GPATCH2L: variants seen among roughly 807,000 people sequenced by gnomAD.
The protein encoded by GPATCH2L is G patch domain-containing protein 2-like.
A neutral mutation model predicts 57.4 loss-of-function variants in GPATCH2L; 31 were observed. The ratio of observed to expected loss-of-function variants is 0.54; its 90% CI spans 0.41 to 0.73. The LOEUF (loss-of-function observed/expected upper bound fraction) is 0.73, where lower values mean the gene tolerates loss of function less well. Ranked by LOEUF, GPATCH2L falls within the 30% of genes least tolerant of loss-of-function variation. The probability of loss-of-function intolerance (pLI) is 0.00; values close to 1 mark genes in which losing one functional copy is unlikely to be tolerated. For synonymous variants in GPATCH2L, 199 were observed against 210.7 expected (o/e 0.94, Z 0.48); for missense variants, 481 against 599.9 (o/e 0.80, Z 2.07).
exon 2 of GPATCH2L, chr14:76,229,870 T>A (rs2040553041): frequency 6.6e-6 from 1 of 152,090 alleles, no homozygotes; most frequent in Admixed American, 6.5e-5. Flanking sequence ...CCAGCGAGAG[T>A]GCCCTGACAA....
At chr14:76,220,076 T>A (rs1038921342) in intron 1 of GPATCH2L, among the ~76,000 whole-genome samples, 2 of 152,182 alleles carry the variant, frequency 1.3e-5, no homozygotes, top group African/African-American at 4.8e-5. Context: ...AGTGACTCCA[T>A]TTTGAATCTG....
intron 9 of GPATCH2L, among the ~76,000 whole-genome samples, chr14:76,201,486 A>C (rs896587121): frequency 2.6e-5 from 4 of 152,234 alleles, no homozygotes; most frequent in Admixed American, 2.6e-4. Flanking sequence ...CCATTTTCTC[A>C]GATTAGGAAA....
At chr14:76,227,414 C>T (rs895453583) in intron 1 of GPATCH2L, among the ~76,000 whole-genome samples, 15 of 152,252 alleles carry the variant, frequency 9.9e-5, no homozygotes, top group African/African-American at 3.6e-4. Flanking sequence ...AGTGGAGTAC[C>T]AGAGTCCAGG....
At chr14:76,190,685 G>A (rs536347759) in intron 8 of GPATCH2L, among the ~76,000 whole-genome samples, 83 of 152,078 alleles carry the variant, frequency 5.5e-4, no homozygotes, top group African/African-American at 2.0e-3. Flanking sequence ...CTCTATTATT[G>A]ACTAGGTTGG....
chr14:76,162,815 A>G (rs1452786683), intron 2 of GPATCH2L, among the ~76,000 whole-genome samples: 1 of 152,226 alleles, frequency 6.6e-6, no homozygotes, highest in Non-Finnish European at 1.5e-5. Flanking sequence ...ATACAGCATT[A>G]AGGAGGAGAG....
intron 2 of GPATCH2L, among the ~76,000 whole-genome samples, chr14:76,232,805 A>G (rs973579705): frequency 6.6e-6 from 1 of 152,146 alleles, no homozygotes; most frequent in Non-Finnish European, 1.5e-5. Context: ...CACATGGAAT[A>G]TTGGCAACCA....
At chr14:76,194,945 T>A (rs2040100908) in intron 8 of GPATCH2L, among the ~76,000 whole-genome samples, 1 of 152,122 alleles carries the variant, frequency 6.6e-6, no homozygotes, top group Admixed American at 6.5e-5. Flanking sequence ...AAATAAAGTT[T>A]CTGTTCTCAA....
chr14:76,229,628 C>T (rs2139876313), intron 1 of GPATCH2L, among the ~76,000 whole-genome samples: 1 of 152,252 alleles, frequency 6.6e-6, no homozygotes, highest in Middle Eastern at 3.4e-3. Context: ...AATAAGGTGG[C>T]TCACTTGCCT....
rs1289241940 is a variant in GPATCH2L at position 76,203,606 on chromosome 14, T to A, written c.*1755T>A. Reference sequence around the variant, plus strand: ...AGTGCTGAAGCTGGCCCAGCATGCCTCTGAGTCACCCCTGGCTCTCATGCA... The same window carrying A: ...AGTGCTGAAGCTGGCCCAGCATGCCACTGAGTCACCCCTGGCTCTCATGCA... On this transcript the variant is annotated 3_prime_UTR_variant, in exon 10 of 10. Coordinates refer to ENST00000261530, the MANE Select transcript of GPATCH2L (RefSeq NM_017926.4). 1 of 152,496 alleles carries A rather than the reference T, an allele frequency of 6.6e-6. No individual in the cohort carries two copies. The highest frequency in any genetic ancestry group is 1.5e-5 in the Non-Finnish European group (1 of 68,214). The allele number at this position is 152,496 out of a possible 1,614,324, so 9.4% of individuals were successfully genotyped here.
rs372381529 is a variant in GPATCH2L, at chr14:76,176,637, C to T, written c.999C>T (p.Asn333=). The T allele has an allele frequency of 2.1e-5, 34 of 1,609,532 alleles. No individual in the cohort carries two copies. Among genetic ancestry groups the T allele is most frequent in the Non-Finnish European group, 2.6e-5 (31 of 1,175,956 alleles). Residue 333 remains asparagine (N), a synonymous_variant, in exon 6 of 10, where the codon AAC becomes AAT. Transcript: ENST00000261530. ...RRLVGKETSI[N]TLGTERISHI... ...TTTCTTTTTAGGAGACCAGCATAAA[C>T]ACTTTGGGGACTGAGAGGATAAGCC...
intron 2 of GPATCH2L, among the ~76,000 whole-genome samples, chr14:76,160,328 T>C (rs1322256193): frequency 6.6e-6 from 1 of 152,146 alleles, no homozygotes; most frequent in Non-Finnish European, 1.5e-5. Context: ...GCTCAGCACT[T>C]CTAACGTGGG....
intron 8 of GPATCH2L, among the ~76,000 whole-genome samples, chr14:76,181,348 G>A (rs1303272777): frequency 6.6e-6 from 1 of 152,180 alleles, no homozygotes; most frequent in African/African-American, 2.4e-5. Context: ...TTGAGCTGCT[G>A]CTTGTCTCAG....
Position 76,154,464 on chromosome 14 carries a change from A to C in GPATCH2L, c.101A>C (p.Gln34Pro). Residue 34 changes from glutamine (Q) to proline (P), a missense_variant, in exon 2 of 10, where the codon CAG becomes CCG. Transcript: ENST00000261530. This position sits in a 1 kb window ranked among gnomAD's most constrained non-coding sequence, Gnocchi z 4.4. The stretch of plus-strand genomic sequence containing the variant: ...GAGGAGATGGCGCTGAGCCCCCGAC[A>C]GCAGAGGCGGCAGCTTCGGAAACGC... ...LWEEMALSPR[Q>P]QRRQLRKRRG... is the part of the protein sequence containing the mutation. 6.2e-7 allele frequency: 1 copy of C among 1,614,210 alleles called. No homozygotes were observed. The highest frequency in any genetic ancestry group is 8.5e-7 in the Non-Finnish European group (1 of 1,180,046).
At chr14:76,181,370 C>A (rs752006529) in intron 8 of GPATCH2L, among the ~76,000 whole-genome samples, 1 of 152,234 alleles carries the variant, frequency 6.6e-6, no homozygotes, top group Admixed American at 6.5e-5. Flanking sequence ...TCAGGTGCCA[C>A]CTCGTCAAGG....
chr14:76,177,704 T>G (rs1228405117), intron 6 of GPATCH2L, among the ~76,000 whole-genome samples: 1 of 143,032 alleles, frequency 7.0e-6, no homozygotes, highest in Non-Finnish European at 1.5e-5. Context: ...GAGGTTTTTT[T>G]TTGTTTTTGT....
intron 2 of GPATCH2L, among the ~76,000 whole-genome samples, chr14:76,233,791 G>T (rs901615676): frequency 2.0e-5 from 3 of 152,060 alleles, no homozygotes; most frequent in Non-Finnish European, 4.4e-5. Context: ...AAATAATAGG[G>T]TTTTTTTACA....
chr14:76,233,706 A>C (rs1049014675), intron 2 of GPATCH2L, among the ~76,000 whole-genome samples: 1 of 152,268 alleles, frequency 6.6e-6, no homozygotes. Flanking sequence ...CGCAATGATC[A>C]TACTTTAAAA....
chr14:76,193,214 GT>G (rs79361823), intron 8 of GPATCH2L, among the ~76,000 whole-genome samples: 57 of 147,292 alleles, frequency 3.9e-4, no homozygotes, highest in East Asian at 5.9e-4. Flanking sequence ...TGTATAAATG[GT>G]TTTTTTTTTT....
intron 2 of GPATCH2L, among the ~76,000 whole-genome samples, chr14:76,161,807 G>A (rs1039770774): frequency 1.4e-4 from 22 of 152,146 alleles, no homozygotes; most frequent in African/African-American, 4.3e-4. Context: ...AGGCCTAGGC[G>A]GGTGGATCAC....
Sources: gnomAD v4.1 joint callset for allele counts (sites outside exome capture counted in the v4.1 genomes callset) on GRCh38, gnomAD v4.1.1 for gene constraint, Gnocchi (gnomAD v3.1) non-coding constraint, MANE v1.5 for transcripts, NCBI Gene and HGNC (gene_info 2026-07-23, HGNC 2026-07-21) for gene names.